The following STAG1 variants were observed in gnomAD, a reference collection of about 807,000 sequenced individuals.
STAG1 encodes STAG1 cohesin complex component.
STAG1 carries 26 observed loss-of-function variants against 170.9 expected under a neutral mutation model. The observed-to-expected ratio is 0.15, with a 90% CI of 0.11 to 0.21. The LOEUF (loss-of-function observed/expected upper bound fraction) is 0.21. STAG1 is among the 10% of genes least tolerant of loss of function. The pLI is 1.00. For missense variants in STAG1, 964 were observed against 1,509.5 expected (o/e 0.64, Z 5.99); for synonymous variants, 514 against 497.7 (o/e 1.03, Z -0.44).
intron 1 of STAG1, among the ~76,000 whole-genome samples, chr3:136,747,481 T>C (rs986184122): frequency 1.3e-5 from 2 of 152,014 alleles, no homozygotes; most frequent in Non-Finnish European, 2.9e-5. Context: ...TTGAGGCCAG[T>C]AGTTTGAGAC....
chr3:136,526,532 G>A (rs1378772371), intron 6 of STAG1, among the ~76,000 whole-genome samples: 2 of 152,114 alleles, frequency 1.3e-5, no homozygotes, highest in African/African-American at 4.8e-5. Flanking sequence ...ACACTGATGG[G>A]TCTTGACTCT....
intron 20 of STAG1, 74 bp from the exon 21 acceptor site, chr3:136,418,046 G>T: frequency 8.8e-7 from 1 of 1,139,954 alleles, no homozygotes; most frequent in South Asian, 1.3e-5. Context: ...GTTCAGGTGA[G>T]TGGAAGAATA....
At chr3:136,615,269 C>A (rs1055795746) in intron 3 of STAG1, among the ~76,000 whole-genome samples, 2 of 151,638 alleles carry the variant, frequency 1.3e-5, no homozygotes, top group South Asian at 4.2e-4. Context: ...CAGATAGATA[C>A]CTGACTAAAA....
At chr3:136,426,479 C>G (rs1378536418) in intron 16 of STAG1, among the ~76,000 whole-genome samples, 1 of 152,112 alleles carries the variant, frequency 6.6e-6, no homozygotes, top group Non-Finnish European at 1.5e-5. Flanking sequence ...AAAACAAAAG[C>G]AAATTTAGAC....
At chr3:136,386,614 T>C (rs2086880286) in intron 22 of STAG1, among the ~76,000 whole-genome samples, 1 of 152,068 alleles carries the variant, frequency 6.6e-6, no homozygotes, top group Admixed American at 6.6e-5. Flanking sequence ...CAGAAGTATA[T>C]AGATTTTAAA....
chr3:136,742,849 C>T (rs1934742101), intron 1 of STAG1, among the ~76,000 whole-genome samples: 1 of 151,952 alleles, frequency 6.6e-6, no homozygotes, highest in Non-Finnish European at 1.5e-5. Flanking sequence ...AGTAATGTAG[C>T]AGTGCTTAGA....
chr3:136,694,543 G>A (rs1942820638), intron 1 of STAG1, among the ~76,000 whole-genome samples: 1 of 151,896 alleles, frequency 6.6e-6, no homozygotes, highest in Non-Finnish European at 1.5e-5. Context: ...TTCAGCCCAG[G>A]AGGTTGGGGC....
chr3:136,393,076 T>C (rs534994520), intron 22 of STAG1, among the ~76,000 whole-genome samples: 2 of 152,288 alleles, frequency 1.3e-5, no homozygotes, highest in East Asian at 3.9e-4. Flanking sequence ...TCCCTCACTG[T>C]CTAAATGACC....
chr3:136,358,335 T>C (rs1936735411), intron 27 of STAG1, among the ~76,000 whole-genome samples: 1 of 152,098 alleles, frequency 6.6e-6, no homozygotes, highest in Admixed American at 6.5e-5. Flanking sequence ...TTGGCCTCCT[T>C]TGGCCTCCCA....
In STAG1 at chr3:136,521,270, A is replaced by G; in HGVS notation, c.619T>C (p.Leu207=). The part of the protein sequence containing the change: ...EYMMDTVISL[L]TGLSDSQVRA... ...ACCTGGGAGTCTGACAAACCCGTCAAAAGGGAGATTACTGTGTCCATCATA... is the reference window on the plus strand; with the variant it reads ...ACCTGGGAGTCTGACAAACCCGTCAGAAGGGAGATTACTGTGTCCATCATA... The change falls in exon 7 of 34, where the codon TTG becomes CTG. Residue 207 remains leucine (L), a synonymous_variant. Transcript: ENST00000383202. 1 of 1,613,840 alleles carries G rather than the reference A, an allele frequency of 6.2e-7. No homozygotes were observed. The highest frequency in any genetic ancestry group is 8.5e-7 in the Non-Finnish European group (1 of 1,179,812).
At chr3:136,611,887 G>A (rs1329216790) in intron 3 of STAG1, among the ~76,000 whole-genome samples, 8 of 150,848 alleles carry the variant, frequency 5.3e-5, no homozygotes, top group African/African-American at 1.5e-4. Flanking sequence ...TCGCTCTGTC[G>A]CCCAGGCTGA....
intron 1 of STAG1, among the ~76,000 whole-genome samples, chr3:136,701,959 T>C (rs1431486811): frequency 2.7e-5 from 4 of 150,100 alleles, no homozygotes; most frequent in East Asian, 3.9e-4. Context: ...GGTATTCTTT[T>C]ACTCTTTTTT....
At position 136,384,932 on chromosome 3, in the gene STAG1, T is replaced by C. The variant is rs113459284; in HGVS notation, c.2278-7180A>G. On this transcript the variant is annotated intron_variant, in intron 22 of 33. Coordinates refer to ENST00000383202, the MANE Select transcript of STAG1 (RefSeq NM_005862.3). ...TGTCATTTTAAGAAACTAGAATACATTGGAATTTTACTTCCACAAATCCCC... is the reference window on the plus strand; with the variant it reads ...TGTCATTTTAAGAAACTAGAATACACTGGAATTTTACTTCCACAAATCCCC... 1.7e-3 allele frequency among the ~76,000 whole-genome samples: 264 copies of C among 152,250 alleles called. 1 individual carries two copies. Among genetic ancestry groups the C allele is most frequent in the East Asian group, 0.01 (52 of 5,188 alleles).
In STAG1 at chr3:136,338,445, T is replaced by C; in HGVS notation, c.3678A>G (p.Pro1226=). The C allele has an allele frequency of 3.7e-6, 6 of 1,613,466 alleles. No homozygotes were observed. Among genetic ancestry groups the C allele is most frequent in the Non-Finnish European group, 5.1e-6 (6 of 1,179,424 alleles). ...CAGCTCTCTCTCGCCGATTTCTTGA[T>C]GGAGGCTGGAAAGAGAAATCGGTTT... ...FEDTMVIDLP[P]SRNRRERAEL... Residue 1226 remains proline, a synonymous_variant, in exon 33 of 34, where the codon CCA becomes CCG. Transcript: ENST00000383202.
At chr3:136,715,523 G>A (rs550185927) in intron 1 of STAG1, among the ~76,000 whole-genome samples, 1 of 152,146 alleles carries the variant, frequency 6.6e-6, no homozygotes, top group Admixed American at 6.5e-5. Context: ...AGGAGGCTGA[G>A]GCAGGAGAAT....
rs190541727 is a variant in STAG1 at position 136,370,352 on chromosome 3, T to A, written c.2371-1070A>T. Among the ~76,000 whole-genome samples, 357 of 152,152 alleles carry A rather than the reference T, an allele frequency of 2.3e-3. 1 individual carries two copies. The highest frequency in any genetic ancestry group is 8.2e-3 in the Admixed American group (126 of 15,280). On this transcript the variant is annotated intron_variant, in intron 23 of 33. Coordinates refer to ENST00000383202, the MANE Select transcript of STAG1 (RefSeq NM_005862.3). ...AGGCTAATGTATGTGTTTCTTTTTT[T>A]AATTTTATTATTATATTATTATTAT...
chr3:136,521,200 GTTAA>G lies in STAG1; in HGVS notation c.676+9_676+12del, dbSNP rs751839620. ...AAACTAAATGAAAAGGAAATAAAATGTTAATTACTTACCAGCCAGGGTACTTGTA... is the reference window on the plus strand; with the variant it reads ...AAACTAAATGAAAAGGAAATAAAATGTTACTTACCAGCCAGGGTACTTGTA... On this transcript the variant is annotated intron_variant, in intron 7 of 33. Transcript: ENST00000383202. 6.2e-7 allele frequency: 1 copy of G among 1,604,322 alleles called. No homozygotes were observed. The highest frequency in any genetic ancestry group is 8.5e-7 in the Non-Finnish European group (1 of 1,171,760).
At chr3:136,715,851 A>G (rs1272704652) in intron 1 of STAG1, among the ~76,000 whole-genome samples, 1 of 151,916 alleles carries the variant, frequency 6.6e-6, no homozygotes, top group Admixed American at 6.6e-5. Context: ...TAATCCCACC[A>G]CTTTGGGAGG....
chr3:136,424,328 CTTTTT>C (rs60213699), intron 16 of STAG1, among the ~76,000 whole-genome samples: 3 of 117,168 alleles, frequency 2.6e-5, no homozygotes, highest in Admixed American at 8.8e-5. Context: ...ATGGAACGAT[CTTTTT>C]TTTTTTTTTT....
Sources: allele counts gnomAD v4.1 joint callset (sites outside exome capture counted in the v4.1 genomes callset), GRCh38; gene constraint gnomAD v4.1.1; transcripts MANE v1.5; gene names NCBI Gene and HGNC (gene_info 2026-07-23, HGNC 2026-07-21).